The following CCSER2 variants were observed in gnomAD, a reference collection of about 807,000 sequenced individuals.
The protein encoded by CCSER2 is serine-rich coiled-coil domain-containing protein 2.
In CCSER2, 46 loss-of-function variants were observed where a neutral mutation model predicts 92.3. The observed-to-expected ratio is 0.50, with a 90% CI of 0.39 to 0.64. CCSER2 has a LOEUF of 0.64. Ranked by LOEUF, CCSER2 falls within the 30% of genes least tolerant of loss-of-function variation. The pLI, the probability that CCSER2 is intolerant of heterozygous loss-of-function variation, is 0.00. For synonymous variants in CCSER2, 433 were observed against 431.4 expected, an observed-to-expected ratio of 1.00 and a Z score of -0.04; for missense variants, 1,244 against 1,238.9, an observed-to-expected ratio of 1.00 and a Z score of -0.06.
chr10:84,509,768 G>A (rs762352233), intron 9 of CCSER2, among the ~76,000 whole-genome samples: 9 of 152,156 alleles, frequency 5.9e-5, no homozygotes, highest in African/African-American at 9.7e-5. Context: ...GAGATCTTTC[G>A]TAGTGGGGGG....
chr10:84,472,024 A>C (rs559943479), intron 8 of CCSER2, among the ~76,000 whole-genome samples: 10 of 152,204 alleles, frequency 6.6e-5, no homozygotes, highest in Non-Finnish European at 1.5e-4. Flanking sequence ...AGTAATTAGT[A>C]GGTTGGAATA....
chr10:84,354,986 G>A (rs1425278220), intron 1 of CCSER2, among the ~76,000 whole-genome samples: 2 of 151,732 alleles, frequency 1.3e-5, no homozygotes, highest in South Asian at 2.1e-4. Context: ...CTCATTTTGT[G>A]CCCATTATTG....
At chr10:84,357,794 C>G (rs1845268098) in intron 1 of CCSER2, among the ~76,000 whole-genome samples, 1 of 152,160 alleles carries the variant, frequency 6.6e-6, no homozygotes, top group South Asian at 2.1e-4. Flanking sequence ...GGGCCATTAG[C>G]TCTAGGAGTG....
At chr10:84,366,591 A>T (rs1845786983) in intron 1 of CCSER2, among the ~76,000 whole-genome samples, 1 of 152,194 alleles carries the variant, frequency 6.6e-6, no homozygotes, top group East Asian at 1.9e-4. Context: ...GTGATTTTGG[A>T]CTTTGAGGAT....
At chr10:84,373,417 T>A (rs1003189881) in intron 2 of CCSER2, among the ~76,000 whole-genome samples, 1 of 152,144 alleles carries the variant, frequency 6.6e-6, no homozygotes, top group African/African-American at 2.4e-5. Context: ...TTTTCCTCTA[T>A]TAGAAAATAT....
intron 3 of CCSER2, among the ~76,000 whole-genome samples, chr10:84,411,731 A>T (rs1842659280): frequency 6.6e-6 from 1 of 152,142 alleles, no homozygotes; most frequent in Non-Finnish European, 1.5e-5. Flanking sequence ...GGTTTTCTAG[A>T]TATAGAATTA....
chr10:84,514,352 T>C lies in CCSER2; in HGVS notation c.*85T>C. 1.1e-6 allele frequency: 1 copy of C among 938,078 alleles called. No homozygotes were observed. The highest frequency in any genetic ancestry group is 2.6e-5 in the East Asian group (1 of 37,932). 58.1% of individuals were successfully genotyped at this position (938,078 alleles called of 1,614,324 possible). On this transcript the variant is annotated 3_prime_UTR_variant, in exon 10 of 10. Transcript: ENST00000372088. ...ATGTGCAGCTTGCAGCTTGCTACTGTGGTGGAGGTTCCATTGAAAGCCTGC... is the reference window on the plus strand; with the variant it reads ...ATGTGCAGCTTGCAGCTTGCTACTGCGGTGGAGGTTCCATTGAAAGCCTGC...
chr10:84,333,427 G>C (rs544989678), intron 1 of CCSER2, among the ~76,000 whole-genome samples: 1 of 152,278 alleles, frequency 6.6e-6, no homozygotes, highest in South Asian at 2.1e-4. Flanking sequence ...TAGAGACTGT[G>C]ACCTGCCAAG....
chr10:84,372,526 T>TA (rs1031928911), intron 2 of CCSER2, 57 bp downstream of exon 2: 23 of 977,170 alleles, frequency 2.4e-5, no homozygotes, highest in South Asian at 1.0e-4. Context: ...TAACTGAACT[T>TA]ACATTTAGGA....
At chr10:84,408,656 A>T (rs1274486227) in intron 3 of CCSER2, among the ~76,000 whole-genome samples, 1 of 152,214 alleles carries the variant, frequency 6.6e-6, no homozygotes, top group African/African-American at 2.4e-5. Flanking sequence ...GTTGGTTATT[A>T]AAAGTTTGGC....
chr10:84,512,140 C>T (rs1006478071), intron 9 of CCSER2, among the ~76,000 whole-genome samples: 3 of 152,008 alleles, frequency 2.0e-5, no homozygotes, highest in Admixed American at 2.0e-4. Context: ...TGATCCTGGG[C>T]AGCCATTGTC....
At chr10:84,401,906 G>C (rs1033955497) in intron 3 of CCSER2, among the ~76,000 whole-genome samples, 2 of 152,186 alleles carry the variant, frequency 1.3e-5, no homozygotes, top group African/African-American at 4.8e-5. Context: ...CAAATGACAA[G>C]CTGGTGGCCA....
intron 3 of CCSER2, chr10:84,391,387 A>G: frequency 7.0e-7 from 1 of 1,432,336 alleles, no homozygotes; most frequent in Non-Finnish European, 9.8e-7. Flanking sequence ...TCCTAACACT[A>G]ATGCATCAGT....
chr10:84,464,559 A>G (rs1341275173), intron 7 of CCSER2, among the ~76,000 whole-genome samples: 2 of 152,226 alleles, frequency 1.3e-5, no homozygotes, highest in African/African-American at 4.8e-5. Context: ...TAATGTTTCC[A>G]AGTCAAGTTA....
chr10:84,374,614 T>C (rs1846234785), intron 3 of CCSER2, among the ~76,000 whole-genome samples: 2 of 152,188 alleles, frequency 1.3e-5, no homozygotes, highest in Non-Finnish European at 2.9e-5. Flanking sequence ...GTGTAATCTT[T>C]GTGTGTGCCT....
rs559277314 is a variant in CCSER2, at chr10:84,387,770, C to T, written c.1614+13955C>T. On this transcript the variant is annotated intron_variant, in intron 3 of 9. Transcript: ENST00000372088. ...GTCTCGATCTCCTGACTTCGTGATC[C>T]GCCCACCTCGGCCTCCCAAAGTGCT... 3.8e-4 allele frequency among the ~76,000 whole-genome samples: 58 copies of T among 151,446 alleles called. No homozygotes were observed. The East Asian group carries it at 4.9e-3, about 13-fold the overall frequency.
At chr10:84,358,030 C>G (rs1308259197) in intron 1 of CCSER2, among the ~76,000 whole-genome samples, 1 of 152,156 alleles carries the variant, frequency 6.6e-6, no homozygotes, top group African/African-American at 2.4e-5. Context: ...GCCATCTAGA[C>G]AGTAAAGAAC....
chr10:84,344,478 C>T (rs939376253), intron 1 of CCSER2, among the ~76,000 whole-genome samples: 4 of 151,792 alleles, frequency 2.6e-5, no homozygotes, highest in Admixed American at 1.3e-4. Context: ...GTTTATGAGG[C>T]TGGCATTAGA....
At chr10:84,417,684 A>G (rs962857463) in intron 3 of CCSER2, 87 bp from the exon 4 acceptor site, 22 of 703,990 alleles carry the variant, frequency 3.1e-5, no homozygotes, top group Middle Eastern at 3.7e-4. Context: ...TGAATTCAGG[A>G]TATCATATAG....
Sources: gnomAD v4.1 joint callset for allele counts (sites outside exome capture counted in the v4.1 genomes callset) on GRCh38, gnomAD v4.1.1 for gene constraint, MANE v1.5 for transcripts, NCBI Gene and HGNC (gene_info 2026-07-23, HGNC 2026-07-21) for gene names.